The following RNF213 variants were observed in gnomAD, a reference collection of about 807,000 sequenced individuals.
The protein encoded by RNF213 is E3 ubiquitin-protein ligase RNF213.
RNF213 carries 341 observed loss-of-function variants against 514.4 expected under a neutral mutation model. The observed-to-expected ratio is 0.66, with a 90% CI of 0.61 to 0.73. RNF213 has a LOEUF of 0.73. RNF213 is among the 30% of genes least tolerant of loss of function. The pLI is 0.00. For synonymous variants in RNF213, 2,655 were observed against 2,658.2 expected, an observed-to-expected ratio of 1.00 and a Z score of 0.04; for missense variants, 5,767 against 6,615.6, an observed-to-expected ratio of 0.87 and a Z score of 4.45.
intron 17 of RNF213, chr17:80,319,785 G>T (rs1464839663): frequency 4.0e-6 from 5 of 1,248,184 alleles, no homozygotes; most frequent in Non-Finnish European, 5.1e-6. Flanking sequence ...GTGCCCCCCT[G>T]TCTCCCAGGA....
chr17:80,319,479 A>G (rs755575749), intron 17 of RNF213, 167 bp downstream of exon 17: 8 of 1,614,080 alleles, frequency 5.0e-6, no homozygotes, highest in Admixed American at 1.7e-5. Flanking sequence ...GCTGAAATCT[A>G]GTTCTCTCCG....
intron 49 of RNF213, among the ~76,000 whole-genome samples, 189 bp from the exon 50 acceptor site, chr17:80,374,268 TC>T (rs1416689816): frequency 6.6e-6 from 1 of 152,186 alleles, no homozygotes; most frequent in Non-Finnish European, 1.5e-5. Flanking sequence ...TTGCACCTCT[TC>T]GTCTACTGAG....
At chr17:80,366,848 A>G (rs2079295671) in intron 42 of RNF213, among the ~76,000 whole-genome samples, 1 of 152,244 alleles carries the variant, frequency 6.6e-6, no homozygotes, top group Non-Finnish European at 1.5e-5. Flanking sequence ...TAGACATAAT[A>G]TTAAGATGTC....
chr17:80,270,644 T>A (rs2043790840), intron 2 of RNF213, among the ~76,000 whole-genome samples: 1 of 152,140 alleles, frequency 6.6e-6, no homozygotes, highest in Non-Finnish European at 1.5e-5. Context: ...AGAGACCACA[T>A]GTATGTGTAT....
intron 32 of RNF213, chr17:80,352,531 T>C (rs1599093769): frequency 1.9e-6 from 1 of 539,064 alleles, no homozygotes; most frequent in Non-Finnish European, 3.3e-6. Flanking sequence ...CATAGAAAAG[T>C]TGGTATTCCA....
In RNF213 at chr17:80,380,905, G is replaced by C. The variant is rs768367050; in HGVS notation, c.13715G>C (p.Arg4572Pro). ...CGGAGAGACGTGGTGACATGTGACCGAGGGCTGCCCCCAGTGGTCTTCCTC... is the reference window on the plus strand; with the variant it reads ...CGGAGAGACGTGGTGACATGTGACCCAGGGCTGCCCCCAGTGGTCTTCCTC... The part of the protein sequence containing the change: ...PQRRDVVTCD[R>P]GLPPVVFLLI... Residue 4572 changes from arginine to proline, a missense_variant, in exon 56 of 68, where the codon CGA becomes CCA. Coordinates refer to ENST00000582970, the MANE Select transcript of RNF213 (RefSeq NM_001256071.3). 6.2e-7 allele frequency: 1 copy of C among 1,614,146 alleles called. No individual in the cohort carries two copies. Among genetic ancestry groups the C allele is most frequent in the Admixed American group, 1.7e-5 (1 of 60,026 alleles).
At chr17:80,269,551 ATCTAT>A (rs921547637) in intron 2 of RNF213, among the ~76,000 whole-genome samples, 3 of 150,804 alleles carry the variant, frequency 2.0e-5, no homozygotes, top group South Asian at 2.1e-4. Flanking sequence ...TCATCTATCC[ATCTAT>A]TCTATCTGTC....
chr17:80,381,903 G>A (rs985575085), intron 57 of RNF213, 176 bp downstream of exon 57: 1 of 687,036 alleles, frequency 1.5e-6, no homozygotes, highest in African/African-American at 1.8e-5. Context: ...GCGATGCCTG[G>A]GGCTGGAAAA....
intron 10 of RNF213, among the ~76,000 whole-genome samples, chr17:80,296,344 C>T (rs553564802): frequency 2.0e-5 from 3 of 152,216 alleles, no homozygotes; most frequent in African/African-American, 7.2e-5. Context: ...TTTGAAGCTT[C>T]GTGTGGTATC....
At position 80,291,683 on chromosome 17, in the gene RNF213, C is replaced by G. The variant is rs199729731; in HGVS notation, c.1327C>G (p.His443Asp). Reference sequence around the variant, plus strand: ...AGGCATTGTCTGCATTTCCAAGAAGCACCTAGATAAATACATTCCTTACAA... The same window carrying G: ...AGGCATTGTCTGCATTTCCAAGAAGGACCTAGATAAATACATTCCTTACAA... ...VEGIVCISKKHLDKYIPYKYV... is the reference protein window; with the variant it reads ...VEGIVCISKKDLDKYIPYKYV... Residue 443 changes from histidine to aspartate, a missense_variant, in exon 8 of 68, where the codon CAC (histidine) becomes GAC (aspartate). By Grantham distance (81) the His-to-Asp change is moderately conservative. Around this residue, in one of 13 missense-constraint regions of RNF213, gnomAD observed 592 missense variants for 673.9 expected, o/e 0.88. Coordinates refer to ENST00000582970, the MANE Select transcript of RNF213 (RefSeq NM_001256071.3). 43 of 1,614,154 alleles carry G rather than the reference C, an allele frequency of 2.7e-5. No homozygotes were observed. The East Asian group carries it at 9.6e-4, about 36-fold the overall frequency.
intron 18 of RNF213, among the ~76,000 whole-genome samples, chr17:80,325,772 C>T (rs745985036): frequency 6.6e-6 from 1 of 151,778 alleles, no homozygotes; most frequent in Non-Finnish European, 1.5e-5. Context: ...GCGTGTGAGA[C>T]CTTAGATTCA....
chr17:80,340,260 G>A lies in RNF213; in HGVS notation c.5893G>A (p.Gly1965Ser). 3 of 1,614,148 alleles carry A rather than the reference G, an allele frequency of 1.9e-6. No individual in the cohort carries two copies. Among genetic ancestry groups the A allele is most frequent in the Non-Finnish European group, 2.5e-6 (3 of 1,180,030 alleles). The change falls in exon 26 of 68, where the codon GGT becomes AGT. Residue 1965 changes from glycine (G) to serine (S), a missense_variant. Physicochemically the swap from Gly to Ser is moderately conservative, Grantham distance 56. Transcript: ENST00000582970. Reference protein sequence around the residue: ...PLEAIQAYLAGHYRVPKQTLS... With the variant: ...PLEAIQAYLASHYRVPKQTLS... Reference sequence around the variant, plus strand: ...CGAGGCCATCCAAGCCTACCTGGCAGGTCACTACCGGGTCCCGAAGCAGAC... The same window carrying A: ...CGAGGCCATCCAAGCCTACCTGGCAAGTCACTACCGGGTCCCGAAGCAGAC...
At chr17:80,308,348 T>C (rs7502437) in intron 13 of RNF213, among the ~76,000 whole-genome samples, 110,328 of 151,720 alleles carry the variant, frequency 0.73, 41,098 homozygotes, top group African/African-American at 0.9. Context: ...GCCTTCCCAG[T>C]CCCCTCCATC....
intron 42 of RNF213, 55 bp from the exon 43 acceptor site, chr17:80,367,693 T>C: frequency 6.8e-7 from 1 of 1,463,010 alleles, no homozygotes; most frequent in Non-Finnish European, 9.6e-7. Context: ...TCGCCCGGCC[T>C]GGCCGCCCTC....
At chr17:80,374,004 CAA>C (rs397968636) in intron 49 of RNF213, among the ~76,000 whole-genome samples, 19 of 96,198 alleles carry the variant, frequency 2.0e-4, no homozygotes, top group African/African-American at 4.7e-4. Context: ...GACTCCGTCT[CAA>C]AAAAAAAAAA....
At chr17:80,379,215 G>A (rs1247454427) in intron 54 of RNF213, among the ~76,000 whole-genome samples, 1 of 152,156 alleles carries the variant, frequency 6.6e-6, no homozygotes, top group African/African-American at 2.4e-5. Context: ...ATATGAAAAA[G>A]TCCAAATGAA....
rs1434860667 is a variant in RNF213 at position 80,317,419 on chromosome 17, T to C, written c.2901+142T>C. Reference sequence around the variant, plus strand: ...AATCACAGCTCCGTGTTTCTGTTTCTGATCCAGCCCTTATAGTCTGTCCCT... The same window carrying C: ...AATCACAGCTCCGTGTTTCTGTTTCCGATCCAGCCCTTATAGTCTGTCCCT... On this transcript the variant is annotated intron_variant, in intron 16 of 67. Transcript: ENST00000582970. The surrounding 1 kb of genome is among the most constrained non-coding windows in gnomAD (Gnocchi z 4.1). The C allele has an allele frequency of 5.1e-6, 4 of 783,136 alleles. No individual in the cohort carries two copies. The highest frequency in any genetic ancestry group is 8.9e-6 in the Non-Finnish European group (4 of 449,190). The allele number at this position is 783,136 out of a possible 1,614,324, so 48.5% of individuals were successfully genotyped here.
chr17:80,306,099 G>C (rs1391513903), intron 11 of RNF213, among the ~76,000 whole-genome samples, 153 bp from the exon 12 acceptor site: 1 of 152,108 alleles, frequency 6.6e-6, no homozygotes, highest in Non-Finnish European at 1.5e-5. Context: ...CAAGTATTGG[G>C]ATTCAGGTGT....
chr17:80,364,399 G>A (rs1042851867), intron 41 of RNF213, 34 bp from the exon 42 acceptor site: 8 of 1,606,348 alleles, frequency 5.0e-6, no homozygotes, highest in South Asian at 1.1e-5. Flanking sequence ...GGTGGGAGCC[G>A]AGTGAGTGAG....
Sources: allele counts gnomAD v4.1 joint callset (sites outside exome capture counted in the v4.1 genomes callset), GRCh38; gene constraint gnomAD v4.1.1; regional missense constraint gnomAD v4.1.1; non-coding constraint Gnocchi (gnomAD v3.1); transcripts MANE v1.5; gene names NCBI Gene and HGNC (gene_info 2026-07-23, HGNC 2026-07-21).